Variants in ANGEL2 observed in about 807,000 individuals in gnomAD.
ANGEL2 encodes RNA 2',3'-cyclic phosphatase ANGEL2.
In ANGEL2, 41 loss-of-function variants were observed where a neutral mutation model predicts 66.0. The observed-to-expected ratio is 0.62, with a 90% confidence interval of 0.48 to 0.81. ANGEL2 has a LOEUF of 0.81. ANGEL2 is among the 30% of genes least tolerant of loss of function. ANGEL2 has a pLI of 0.00. For synonymous variants in ANGEL2, 208 were observed against 226.5 expected (o/e 0.92, Z 0.73); for missense variants, 561 against 641.6 (o/e 0.87, Z 1.36).
rs1386825647 is a variant in ANGEL2 at position 213,002,068 on chromosome 1, C to CT, written c.1135-1157dup. The CT allele has an allele frequency of 5.9e-5, 9 of 152,724 alleles. No homozygotes were observed. In the East Asian group the frequency reaches 1.5e-3, roughly 26 times the overall value. 9.5% of individuals were successfully genotyped at this position (152,724 alleles called of 1,614,324 possible). A position where few individuals can be genotyped will look rare whatever the true frequency, so the allele number is the denominator to read the frequency against. On this transcript the variant is annotated intron_variant, in intron 5 of 8. Coordinates refer to ENST00000366962, the MANE Select transcript of ANGEL2 (RefSeq NM_144567.5). ...TGAATAGCATTTAGGATGCTGAATC[C>CT]TTTGCAGGTTTGCAATTTACTTTCC...
At chr1:212,998,161 C>A (rs536434501) in intron 7 of ANGEL2, among the ~76,000 whole-genome samples, 1 of 150,560 alleles carries the variant, frequency 6.6e-6, no homozygotes, top group Non-Finnish European at 1.5e-5. Flanking sequence ...GAAGCCAAGG[C>A]GGGAAGATTG....
chr1:213,011,692 C>T (rs1319737729), intron 2 of ANGEL2, among the ~76,000 whole-genome samples: 1 of 152,066 alleles, frequency 6.6e-6, no homozygotes, highest in Non-Finnish European at 1.5e-5. Flanking sequence ...GTAAGCTGTC[C>T]AAGTTCATAT....
At chr1:213,000,254 G>C (rs976179505) in intron 7 of ANGEL2, 72 bp downstream of exon 7, 17 of 1,408,112 alleles carry the variant, frequency 1.2e-5, no homozygotes, top group Non-Finnish European at 1.6e-5. Flanking sequence ...TTTTATCCAA[G>C]TGATTTTTGA....
In ANGEL2 at chr1:213,013,884, T is replaced by C. The variant is rs2076571177; in HGVS notation, c.60-466A>G. Among the ~76,000 whole-genome samples, 3 of 152,362 alleles carry C rather than the reference T, an allele frequency of 2.0e-5. No homozygotes were observed. In the South Asian group the frequency reaches 6.2e-4, roughly 32 times the overall value. Reference sequence around the variant, plus strand: ...AATAACAAGTTTCTGAACAGTTTTTTATACCAAGGGCAGATTTTTCCAAAC... The same window carrying C: ...AATAACAAGTTTCTGAACAGTTTTTCATACCAAGGGCAGATTTTTCCAAAC... On this transcript the variant is annotated intron_variant, in intron 1 of 8. Transcript: ENST00000366962.
intron 2 of ANGEL2, 75 bp from the exon 3 acceptor site, chr1:213,008,541 TTCAGCC>T (rs2076409809): frequency 6.7e-7 from 1 of 1,502,096 alleles, no homozygotes; most frequent in African/African-American, 1.4e-5. Flanking sequence ...ATATGTATTT[TTCAGCC>T]TCTTAAAAAT....
Position 212,995,043 on chromosome 1 carries a change from A to G in ANGEL2, c.1633T>C (p.Ter545ArgextTer7). The G allele has an allele frequency of 6.3e-7, 1 of 1,598,908 alleles. No homozygotes were observed. The highest frequency in any genetic ancestry group is 8.5e-7 in the Non-Finnish European group (1 of 1,174,160). ...PLLAKFRLEL[*>R] Reference sequence around the variant, plus strand: ...AATTAGTATGTGATCAAAGAGAGTCAGAGCTCAAGTCTGAACTTTGCCAAT... The same window carrying G: ...AATTAGTATGTGATCAAAGAGAGTCGGAGCTCAAGTCTGAACTTTGCCAAT... The change falls in exon 9 of 9, where the codon TGA becomes CGA. Residue 545 changes from the stop codon to arginine (R), a stop_lost. Coordinates refer to ENST00000366962, the MANE Select transcript of ANGEL2 (RefSeq NM_144567.5).
At chr1:213,007,252 C>A (rs1572141731) in intron 3 of ANGEL2, 54 bp from the exon 4 acceptor site, 1 of 1,328,260 alleles carries the variant, frequency 7.5e-7, no homozygotes, top group East Asian at 2.6e-5. Flanking sequence ...TCATGAATTT[C>A]CTGGTGCTTT....
intron 2 of ANGEL2, among the ~76,000 whole-genome samples, chr1:213,010,112 A>G (rs1237764790): frequency 1.3e-5 from 2 of 152,062 alleles, no homozygotes; most frequent in East Asian, 1.9e-4. Context: ...GTCTTCAACT[A>G]TGAAGAATTT....
chr1:213,002,716 G>A (rs2172982), intron 5 of ANGEL2, among the ~76,000 whole-genome samples: 41,562 of 151,890 alleles, frequency 0.27, 6,302 homozygotes, highest in Admixed American at 0.4. Context: ...CCAGGAGTTC[G>A]AGACCAGCCT....
chr1:212,996,988 A>T (rs1021294633), intron 8 of ANGEL2, among the ~76,000 whole-genome samples, 167 bp downstream of exon 8: 5 of 152,172 alleles, frequency 3.3e-5, no homozygotes, highest in African/African-American at 7.2e-5. Context: ...ATATGCAAGT[A>T]ATCAACTGAT....
chr1:213,008,216 A>G lies in ANGEL2; in HGVS notation c.636T>C (p.Asp212=). ...PNILKEIKHF[D]ADVLCLQEVQ... ...AATAATATTTTGCACTTACGTCTGC[A>G]TCAAAATGTTTAATTTCTTTCAGAA... is the stretch of plus-strand genomic sequence containing the variant. Residue 212 remains aspartate, a synonymous_variant, in exon 3 of 9, where the codon GAT becomes GAC. Coordinates refer to ENST00000366962, the MANE Select transcript of ANGEL2 (RefSeq NM_144567.5). The G allele has an allele frequency of 2.5e-6, 4 of 1,612,628 alleles. No homozygotes were observed.
rs2075958663 is a variant in ANGEL2 at position 212,995,078 on chromosome 1, T to C, written c.1598A>G (p.His533Arg). The change falls in exon 9 of 9, where the codon CAT (histidine) becomes CGT (arginine). Residue 533 changes from histidine to arginine, a missense_variant. Transcript: ENST00000366962. The part of the protein sequence containing the change: ...GLPNENNSSD[H>R]LPLLAKFRLE... ...TCTGAACTTTGCCAATAAAGGCAGA[T>C]GATCTGAAGAGTTATTTTCGTTTGG... is the stretch of plus-strand genomic sequence containing the variant. The C allele has an allele frequency of 1.9e-6, 3 of 1,611,314 alleles. No homozygotes were observed. The highest frequency in any genetic ancestry group is 2.5e-6 in the Non-Finnish European group (3 of 1,178,568).
At chr1:213,003,245 G>T (rs2076227926) in intron 5 of ANGEL2, among the ~76,000 whole-genome samples, 1 of 152,182 alleles carries the variant, frequency 6.6e-6, no homozygotes, top group South Asian at 2.1e-4. Flanking sequence ...CTCCATATTA[G>T]CAATAAGGCT....
intron 5 of ANGEL2, among the ~76,000 whole-genome samples, chr1:213,002,962 A>C (rs2076219149): frequency 6.6e-6 from 1 of 151,778 alleles, no homozygotes; most frequent in African/African-American, 2.4e-5. Flanking sequence ...AGCCACCTTC[A>C]TCAATGATCT....
chr1:212,995,481 A>T (rs1299471376), intron 8 of ANGEL2, among the ~76,000 whole-genome samples: 2 of 152,360 alleles, frequency 1.3e-5, no homozygotes, highest in South Asian at 4.1e-4. Flanking sequence ...TGTGGTTGAC[A>T]ACTACATAAG....
intron 8 of ANGEL2, among the ~76,000 whole-genome samples, chr1:212,996,244 T>C (rs965007727): frequency 3.5e-4 from 53 of 152,242 alleles, no homozygotes; most frequent in Admixed American, 5.2e-4. Flanking sequence ...GAGGCGGAGC[T>C]TGCAGTGAGC....
In ANGEL2 at chr1:213,009,614, T is replaced by G. The variant is rs912939505; in HGVS notation, c.386-1148A>C. On this transcript the variant is annotated intron_variant, in intron 2 of 8. Transcript: ENST00000366962. The stretch of plus-strand genomic sequence containing the variant: ...CTTATATAGAGGGTGAAATAAAGAC[T>G]AAAAGGAAACACACCCATATTTTTA... 2.0e-5 allele frequency among the ~76,000 whole-genome samples: 3 copies of G among 152,152 alleles called. No homozygotes were observed. The East Asian group carries it at 5.8e-4, about 29-fold the overall frequency.
intron 1 of ANGEL2, among the ~76,000 whole-genome samples, chr1:213,014,385 T>C (rs1438663457): frequency 6.6e-6 from 1 of 152,252 alleles, no homozygotes; most frequent in Admixed American, 6.5e-5. Context: ...TTATTCTCGT[T>C]TTAACAGCAT....
rs2076559278 is a variant in ANGEL2, at chr1:213,013,412, G to A, written c.66C>T (p.Pro22=). 6.2e-7 allele frequency: 1 copy of A among 1,611,208 alleles called. No homozygotes were observed. The highest frequency in any genetic ancestry group is 1.7e-5 in the Admixed American group (1 of 59,598). The change falls in exon 2 of 9, where the codon CCC becomes CCT. Residue 22 remains proline, a synonymous_variant. Transcript: ENST00000366962. ...GACTCCTCGAGTGATGGGGAAACAT[G>A]GGGTATCTAAAAGAAATAAATACAC... ...GHCVVGRGRY[P]MFPHHSRSLG... is the part of the protein sequence containing the mutation.
Sources: gnomAD v4.1 joint callset for allele counts (sites outside exome capture counted in the v4.1 genomes callset) on GRCh38, gnomAD v4.1.1 for gene constraint, MANE v1.5 for transcripts, NCBI Gene and HGNC (gene_info 2026-07-23, HGNC 2026-07-21) for gene names.